The following DPP10 variants were observed in gnomAD, a reference collection of about 807,000 sequenced individuals.
The protein encoded by DPP10 is dipeptidyl peptidase like 10, also known as inactive dipeptidyl peptidase 10.
Under a neutral mutation model 120.9 loss-of-function variants are expected in DPP10, and 33 were observed. That is an observed-to-expected ratio of 0.27 (90% CI 0.21 to 0.37). The LOEUF is 0.37. Among genes scored for constraint, DPP10 ranks in the 10% least tolerant of loss-of-function variants. DPP10 has a pLI of 1.00. For missense variants in DPP10, 816 were observed against 942.8 expected (o/e 0.87, Z 1.76); for synonymous variants, 337 against 326.1 (o/e 1.03, Z -0.36).
chr2:114,709,771 A>C (rs1009243998), intron 1 of DPP10, among the ~76,000 whole-genome samples: 3 of 152,178 alleles, frequency 2.0e-5, no homozygotes, highest in African/African-American at 4.8e-5. Context: ...ATACGTTCTA[A>C]TAAGATTTTT....
intron 1 of DPP10, among the ~76,000 whole-genome samples, chr2:114,713,955 A>T (rs535097700): frequency 1.5e-4 from 23 of 151,814 alleles, no homozygotes; most frequent in Non-Finnish European, 3.2e-4. Flanking sequence ...ATTGCACTCC[A>T]GCCTGGGCTG....
chr2:115,768,464 G>C lies in DPP10; in HGVS notation c.1221+60G>C, dbSNP rs761345677. On this transcript the variant is annotated intron_variant, in intron 13 of 25. Transcript: ENST00000410059. Reference sequence around the variant, plus strand: ...TTGTCCTCATGTCCCCGAAGGCCCAGTTCTTGTGGCATTCTAAACCTCTAG... The same window carrying C: ...TTGTCCTCATGTCCCCGAAGGCCCACTTCTTGTGGCATTCTAAACCTCTAG... 148 of 1,466,950 alleles carry C rather than the reference G, an allele frequency of 1.0e-4. No individual in the cohort carries two copies. The Middle Eastern group carries it at 1.9e-3, about 19-fold the overall frequency. 90.9% of individuals were successfully genotyped at this position (1,466,950 alleles called of 1,614,324 possible). A position where few individuals can be genotyped will look rare whatever the true frequency, so the allele number is the denominator to read the frequency against.
intron 5 of DPP10, among the ~76,000 whole-genome samples, chr2:115,662,788 C>G (rs1309846198): frequency 6.6e-6 from 1 of 152,054 alleles, no homozygotes; most frequent in African/African-American, 2.4e-5. Context: ...TCTGGTATGG[C>G]CTTCCTCAAA....
chr2:115,090,081 G>A (rs1416609713), intron 1 of DPP10, among the ~76,000 whole-genome samples: 1 of 148,128 alleles, frequency 6.8e-6, no homozygotes, highest in Non-Finnish European at 1.5e-5. Flanking sequence ...TCCTCACTTT[G>A]TGATCCACAA....
rs573107476 is a variant in DPP10, at chr2:115,267,785, G to T, written c.61-41454G>T. 2.6e-5 allele frequency among the ~76,000 whole-genome samples: 4 copies of T among 152,168 alleles called. No individual in the cohort carries two copies. In the South Asian group the frequency reaches 8.3e-4, roughly 32 times the overall value. On this transcript the variant is annotated intron_variant, in intron 1 of 25. Coordinates refer to ENST00000410059, the MANE Select transcript of DPP10 (RefSeq NM_020868.6). ...CAGAGCCTTCACGATGGCTCCCAAA[G>T]CTTCCATCAGATTTAATTTGATGTC...
intron 1 of DPP10, among the ~76,000 whole-genome samples, chr2:115,092,774 A>C (rs539336921): frequency 6.3e-4 from 96 of 152,260 alleles, no homozygotes; most frequent in Non-Finnish European, 1.2e-3. Context: ...CCTTTGATTG[A>C]GTTTTTAAGA....
intron 2 of DPP10, among the ~76,000 whole-genome samples, chr2:115,320,150 T>A (rs925322956): frequency 2.0e-5 from 3 of 152,272 alleles, no homozygotes; most frequent in African/African-American, 7.2e-5. Context: ...TCATAACAAT[T>A]TTTGACTTAA....
intron 1 of DPP10, among the ~76,000 whole-genome samples, chr2:115,082,301 G>A (rs1708338352): frequency 6.6e-6 from 1 of 152,100 alleles, no homozygotes; most frequent in African/African-American, 2.4e-5. Flanking sequence ...TAAAACTCCT[G>A]TGGGCTTAAA....
At chr2:114,461,760 C>T (rs1047784176) in intron 1 of DPP10, 1 of 985,416 alleles carries the variant, frequency 1.0e-6, no homozygotes, top group Non-Finnish European at 1.2e-6. Flanking sequence ...GGGCTCAGTG[C>T]TGCCATCCGT....
At chr2:115,605,338 C>CA (rs2083634661) in intron 5 of DPP10, among the ~76,000 whole-genome samples, 1 of 151,950 alleles carries the variant, frequency 6.6e-6, no homozygotes, top group African/African-American at 2.4e-5. Context: ...CTAAGATGAA[C>CA]AAAAAGATCA....
At chr2:114,552,988 C>T (rs1688007510) in intron 1 of DPP10, among the ~76,000 whole-genome samples, 1 of 152,174 alleles carries the variant, frequency 6.6e-6, no homozygotes, top group Admixed American at 6.5e-5. Flanking sequence ...AAGCATTATT[C>T]AGTTGTCCTC....
At chr2:115,610,511 G>GTGTGTGTGTGTGTGTA (rs56136090) in intron 5 of DPP10, among the ~76,000 whole-genome samples, 18 of 150,392 alleles carry the variant, frequency 1.2e-4, no homozygotes, top group East Asian at 2.0e-4. Context: ...GTGTGTGTGT[G>GTGTGTGTGTGTGTGTA]TGTTTTCAAC....
At chr2:114,637,555 T>C (rs530840697) in intron 1 of DPP10, among the ~76,000 whole-genome samples, 1 of 152,116 alleles carries the variant, frequency 6.6e-6, no homozygotes, top group East Asian at 1.9e-4. Context: ...AAAAATTCTT[T>C]GCCAAGGCTG....
chr2:115,571,189 T>C (rs1169837303), intron 5 of DPP10, among the ~76,000 whole-genome samples: 1 of 152,236 alleles, frequency 6.6e-6, no homozygotes, highest in Non-Finnish European at 1.5e-5. Context: ...ACTATCAAAG[T>C]AGCCAATCAC....
At chr2:114,950,875 C>T (rs1039375350) in intron 1 of DPP10, among the ~76,000 whole-genome samples, 1 of 152,022 alleles carries the variant, frequency 6.6e-6, no homozygotes, top group East Asian at 1.9e-4. Flanking sequence ...TAATGAGGGC[C>T]CCTGGACCAC....
intron 1 of DPP10, among the ~76,000 whole-genome samples, chr2:114,587,814 A>C (rs1558908974): frequency 6.6e-6 from 1 of 152,224 alleles, no homozygotes; most frequent in East Asian, 1.9e-4. Flanking sequence ...TAGTACATTG[A>C]TTTAAACTAA....
At chr2:114,693,945 T>C (rs1423810577) in intron 1 of DPP10, among the ~76,000 whole-genome samples, 1 of 151,996 alleles carries the variant, frequency 6.6e-6, no homozygotes, top group East Asian at 1.9e-4. Flanking sequence ...TATTTGTGTT[T>C]ACGTGTGCAC....
chr2:115,313,995 A>G (rs545515875), intron 2 of DPP10, among the ~76,000 whole-genome samples: 4 of 152,354 alleles, frequency 2.6e-5, no homozygotes, highest in African/African-American at 7.2e-5. Context: ...ATGAGTGTAC[A>G]TTAATGCTTA....
intron 1 of DPP10, among the ~76,000 whole-genome samples, chr2:115,074,302 A>G (rs1034370523): frequency 6.6e-6 from 1 of 152,108 alleles, no homozygotes; most frequent in African/African-American, 2.4e-5. Context: ...ACTACCAAAA[A>G]CGGCAGGGAA....
Sources: allele counts gnomAD v4.1 joint callset (sites outside exome capture counted in the v4.1 genomes callset), GRCh38; gene constraint gnomAD v4.1.1; transcripts MANE v1.5; gene names NCBI Gene and HGNC (gene_info 2026-07-23, HGNC 2026-07-21).